The following TSBP1 variants were observed in gnomAD, a reference collection of about 807,000 sequenced individuals.
The protein encoded by TSBP1 is testis-expressed basic protein 1.
Under a neutral mutation model 68.8 loss-of-function variants are expected in TSBP1, and 56 were observed. The ratio of observed to expected loss-of-function variants is 0.81; its 90% CI spans 0.66 to 1.02. The LOEUF (loss-of-function observed/expected upper bound fraction) is 1.02, where lower values mean the gene tolerates loss of function less well. Among genes scored for constraint, TSBP1 ranks in the 50% least tolerant of loss-of-function variants. The probability of loss-of-function intolerance (pLI) is 0.00; values close to 1 mark genes in which losing one functional copy is unlikely to be tolerated. For synonymous variants in TSBP1, 171 were observed against 208.7 expected (o/e 0.82, Z 1.56); for missense variants, 502 against 641.2 (o/e 0.78, Z 2.34).
intron 20 of TSBP1, 36 bp from the exon 24 acceptor site, chr6:32,300,736 T>C (rs201633311): frequency 1.1e-5 from 17 of 1,595,674 alleles, no homozygotes; most frequent in Admixed American, 1.7e-5. Flanking sequence ...CAGTAGGTAC[T>C]GGGCATTCCC....
At chr6:32,303,384 T>C (rs534332066) in intron 19 of TSBP1, among the ~76,000 whole-genome samples, 10 of 152,136 alleles carry the variant, frequency 6.6e-5, no homozygotes, top group Non-Finnish European at 1.2e-4. Context: ...TTCTTTGTCT[T>C]CTTGATGCAT....
In TSBP1 at chr6:32,366,762, C is replaced by CAAAAAAAA. The variant is rs9257084; in HGVS notation, c.167-468_167-461dup. ...TGGGCGACAGTGCGAGACTCCGTCT[C>CAAAAAAAA]AAAAAAAAAAAAAAAAAAAAAAAAG... On this transcript the variant is annotated intron_variant, in intron 4 of 22. Coordinates refer to ENST00000612031, the Ensembl canonical transcript of TSBP1. 4.1e-4 allele frequency among the ~76,000 whole-genome samples: 32 copies of CAAAAAAAA among 77,428 alleles called. 1 individual carries two copies. The highest frequency in any genetic ancestry group is 0.01 in the Middle Eastern group (1 of 98). 50.8% of individuals were successfully genotyped at this position (77,428 alleles called of 152,430 possible). A position where few individuals can be genotyped will look rare whatever the true frequency, so the allele number is the denominator to read the frequency against.
intron 6 of TSBP1, among the ~76,000 whole-genome samples, chr6:32,358,642 C>T (rs1420208921): frequency 1.3e-5 from 2 of 151,594 alleles, no homozygotes; most frequent in Non-Finnish European, 2.9e-5. Flanking sequence ...TCAATTCCCA[C>T]CTGTGAGTGA....
chr6:32,299,721 C>G (rs1281244353), intron 22 of TSBP1, among the ~76,000 whole-genome samples: 3 of 152,096 alleles, frequency 2.0e-5, no homozygotes, highest in Non-Finnish European at 4.4e-5. Flanking sequence ...GAATTCAAGA[C>G]CAACCTGGGC....
chr6:32,326,220 G>C (rs1768204182), intron 16 of TSBP1: 15 of 1,234,626 alleles, frequency 1.2e-5, no homozygotes, highest in Middle Eastern at 2.7e-4. Context: ...CCAGAGAAGT[G>C]ACAGGGAAGC....
chr6:32,365,529 C>A lies in TSBP1; in HGVS notation c.217+638G>T, dbSNP rs773459309. On this transcript the variant is annotated intron_variant, in intron 6 of 22. Transcript: ENST00000612031. This position sits in a 1 kb window ranked among gnomAD's most constrained non-coding sequence, Gnocchi z 4.3. ...TGCAGTCTCTTTTCCCTGCTCCCAG[C>A]CTCTCCTAACCATTCAACTATGCTG... The A allele has an allele frequency of 8.1e-5, 37 of 456,438 alleles. No homozygotes were observed. Among genetic ancestry groups the A allele is most frequent in the African/African-American group, 3.8e-4 (19 of 50,022 alleles). The allele number at this position is 456,438 out of a possible 1,614,324, so 28.3% of individuals were successfully genotyped here.
At position 32,354,880 on chromosome 6, in the gene TSBP1, A is replaced by G. The variant is rs141555436; in HGVS notation, c.259+244T>C. Among the ~76,000 whole-genome samples the G allele has an allele frequency of 6.7e-3, 1,016 of 152,230 alleles. 18 individuals carry two copies. Among genetic ancestry groups the G allele is most frequent in the East Asian group, 0.02 (102 of 5,192 alleles). On this transcript the variant is annotated intron_variant, in intron 8 of 22. Coordinates refer to ENST00000612031, the Ensembl canonical transcript of TSBP1. ...AGGTAGAGACTATAAATATATGTAA[A>G]TAGACTTAAATATTTAAAATATATT...
chr6:32,337,931 A>G lies in TSBP1; in HGVS notation c.409+1048T>C, dbSNP rs1173135657. On this transcript the variant is annotated intron_variant, in intron 11 of 22. Transcript: ENST00000612031. This position sits in a 1 kb window ranked among gnomAD's most constrained non-coding sequence, Gnocchi z 5.5. ...TGATATACCATGAGCTTTAATTATC[A>G]AATCACTTTTTTTCTCCTTCCTTCA... Among the ~76,000 whole-genome samples the G allele has an allele frequency of 6.8e-6, 1 of 147,488 alleles. No individual in the cohort carries two copies. The highest frequency in any genetic ancestry group is 1.5e-5 in the Non-Finnish European group (1 of 66,748).
chr6:32,314,648 ACTCAAATACCAATGT>A lies in TSBP1; in HGVS notation c.580+1109_580+1123del, dbSNP rs1766760422. Reference sequence around the variant, plus strand: ...TTTGTTGACAGTTCCATTTCTCTTCACTCAAATACCAATGTCTTTGTCCTAACATTATTGAAATTA... The same window carrying A: ...TTTGTTGACAGTTCCATTTCTCTTCACTTTGTCCTAACATTATTGAAATTA... On this transcript the variant is annotated intron_variant, in intron 19 of 22. Coordinates refer to ENST00000612031, the Ensembl canonical transcript of TSBP1. The surrounding 1 kb of genome is among the most constrained non-coding windows in gnomAD (Gnocchi z 4.2). 6.6e-6 allele frequency among the ~76,000 whole-genome samples: 1 copy of A among 152,172 alleles called. No homozygotes were observed. Among genetic ancestry groups the A allele is most frequent in the Non-Finnish European group, 1.5e-5 (1 of 68,034 alleles).
In TSBP1 at chr6:32,365,060, ATT is replaced by A. The variant is rs140033884; in HGVS notation, c.217+1105_217+1106del. Among the ~76,000 whole-genome samples, 1 of 145,436 alleles carries A rather than the reference ATT, an allele frequency of 6.9e-6. No individual in the cohort carries two copies. The highest frequency in any genetic ancestry group is 1.5e-5 in the Non-Finnish European group (1 of 66,516). ...AGGTGTGCACCGCCACATCCAACTG[ATT>A]TTTTTTTTTTTTAGAGACGGAGTCT... On this transcript the variant is annotated intron_variant, in intron 6 of 22. Transcript: ENST00000612031. The surrounding 1 kb of genome is among the most constrained non-coding windows in gnomAD (Gnocchi z 4.3).
At chr6:32,301,593 A>G (rs116443035) in intron 20 of TSBP1, among the ~76,000 whole-genome samples, 6,963 of 151,542 alleles carry the variant, frequency 0.046, 361 homozygotes, top group African/African-American at 0.12. Flanking sequence ...GGTGGCAAGC[A>G]CCTGTAGTCC....
At chr6:32,311,064 T>C (rs1766354756) in intron 19 of TSBP1, among the ~76,000 whole-genome samples, 1 of 152,142 alleles carries the variant, frequency 6.6e-6, no homozygotes, top group African/African-American at 2.4e-5. Context: ...CATATTGAAA[T>C]ACTATCTTCT....
Position 32,336,615 on chromosome 6 carries a change from G to A in TSBP1, c.430C>T (p.Pro144Ser), listed in dbSNP as rs748890821. Residue 144 changes from proline (P) to serine (S), a missense_variant and splice_region_variant, in exon 12 of 23, where the codon CCC (proline) becomes TCC (serine). Pro to Ser is a moderately conservative substitution (Grantham distance 74). Transcript: ENST00000612031. This position sits in a 1 kb window ranked among gnomAD's most constrained non-coding sequence, Gnocchi z 5.2. ...GTGGAAAAACAAACTTGATACTTAC[G>A]AATAGGGGCTGTGAATTGCACTGAA... The A allele has an allele frequency of 1.1e-5, 17 of 1,612,072 alleles. No homozygotes were observed. Among genetic ancestry groups the A allele is most frequent in the East Asian group, 2.2e-5 (1 of 44,856 alleles).
rs189322399 is a variant in TSBP1 at position 32,350,170 on chromosome 6, G to T, written c.260-341C>A. 10 of 486,482 alleles carry T rather than the reference G, an allele frequency of 2.1e-5. No individual in the cohort carries two copies. In the Admixed American group the frequency reaches 2.1e-4, roughly 10 times the overall value. 30.1% of individuals were successfully genotyped at this position (486,482 alleles called of 1,614,324 possible). A position where few individuals can be genotyped will look rare whatever the true frequency, so the allele number is the denominator to read the frequency against. On this transcript the variant is annotated intron_variant, in intron 8 of 22. Coordinates refer to ENST00000612031, the Ensembl canonical transcript of TSBP1. ...TTTTCTTTCTGTTTTCCCTTTGTTCGAAAAGATTTTTTGTTACACCAAACA... is the reference window on the plus strand; with the variant it reads ...TTTTCTTTCTGTTTTCCCTTTGTTCTAAAAGATTTTTTGTTACACCAAACA...
At chr6:32,320,655 G>A (rs1377724159) in intron 18 of TSBP1, among the ~76,000 whole-genome samples, 3 of 151,690 alleles carry the variant, frequency 2.0e-5, no homozygotes, top group Non-Finnish European at 4.4e-5. Flanking sequence ...CTTAAGCTTG[G>A]CTGTATATTT....
chr6:32,329,783 C>T (rs887142097), intron 16 of TSBP1, among the ~76,000 whole-genome samples: 1 of 152,148 alleles, frequency 6.6e-6, no homozygotes, highest in Admixed American at 6.5e-5. Context: ...ATAATTCTTC[C>T]TGCTTGACTT....
At chr6:32,300,588 A>G (rs1447279996) in intron 21 of TSBP1, 92 bp downstream of exon 24, 3 of 1,042,606 alleles carry the variant, frequency 2.9e-6, no homozygotes, top group African/African-American at 3.1e-5. Context: ...GCTGTAAGGT[A>G]GAGGAACTCG....
rs533432680 is a variant in TSBP1, at chr6:32,335,498, A to T, written c.452-41T>A. ...AAAAGAAATCAGTAGCTATATATAT[A>T]TTTTATATATACTTTTTATTTATAT... On this transcript the variant is annotated intron_variant, in intron 13 of 22. Coordinates refer to ENST00000612031, the Ensembl canonical transcript of TSBP1. This position sits in a 1 kb window ranked among gnomAD's most constrained non-coding sequence, Gnocchi z 5.5. 2.2e-5 allele frequency: 27 copies of T among 1,225,334 alleles called. No individual in the cohort carries two copies. The highest frequency in any genetic ancestry group is 9.6e-5 in the African/African-American group (6 of 62,584). 75.9% of individuals were successfully genotyped at this position (1,225,334 alleles called of 1,614,324 possible).
At chr6:32,324,644 A>C in intron 16 of TSBP1, 2 of 1,550,782 alleles carry the variant, frequency 1.3e-6, no homozygotes, top group Non-Finnish European at 1.7e-6. Context: ...TTCAATGAAC[A>C]CATAGACTTA....
Sources: allele counts gnomAD v4.1 joint callset (sites outside exome capture counted in the v4.1 genomes callset), GRCh38; gene constraint gnomAD v4.1.1; non-coding constraint Gnocchi (gnomAD v3.1); transcripts MANE v1.5; gene names NCBI Gene and HGNC (gene_info 2026-07-23, HGNC 2026-07-21).